The following KRT13 variants were observed in gnomAD, a reference collection of about 807,000 sequenced individuals.
KRT13 encodes the protein keratin, type I cytoskeletal 13.
KRT13 carries 27 observed loss-of-function variants against 40.6 expected under a neutral mutation model. The ratio of observed to expected loss-of-function variants is 0.67; its 90% CI spans 0.49 to 0.92. The LOEUF (loss-of-function observed/expected upper bound fraction) is 0.92, where lower values mean the gene tolerates loss of function less well. Among genes scored for constraint, KRT13 ranks in the 40% least tolerant of loss-of-function variants. The pLI, the probability that KRT13 is intolerant of heterozygous loss-of-function variation, is 0.00. For synonymous variants in KRT13, 266 were observed against 240.3 expected (o/e 1.11, Z -0.99); for missense variants, 605 against 611.5 (o/e 0.99, Z 0.11).
rs967263950 is a variant in KRT13 at position 41,501,112 on chromosome 17, C to T, written c.*144G>A. ...GAAGAGAAGAGCACAGAGGGCCCAC[C>T]ATCAGGAGAGAGTCAGGACAGGGGG... On this transcript the variant is annotated 3_prime_UTR_variant, in exon 8 of 8. Coordinates refer to ENST00000246635, the MANE Select transcript of KRT13 (RefSeq NM_153490.3). 1.6e-6 allele frequency: 1 copy of T among 642,382 alleles called. No individual in the cohort carries two copies. Among genetic ancestry groups the T allele is most frequent in the Non-Finnish European group, 2.9e-6 (1 of 345,428 alleles). The allele number at this position is 642,382 out of a possible 1,614,324, so 39.8% of individuals were successfully genotyped here. A position where few individuals can be genotyped will look rare whatever the true frequency, so the allele number is the denominator to read the frequency against.
In KRT13 at chr17:41,503,570, T is replaced by C. The variant is rs985430097; in HGVS notation, c.578+73A>G. On this transcript the variant is annotated intron_variant, in intron 2 of 7. Transcript: ENST00000246635. Reference sequence around the variant, plus strand: ...TCACTCCTGGGATGCTCCAGTGTCATTGGTCAGATGAGCTTTTGTCTAAAC... The same window carrying C: ...TCACTCCTGGGATGCTCCAGTGTCACTGGTCAGATGAGCTTTTGTCTAAAC... 5.2e-6 allele frequency: 8 copies of C among 1,541,128 alleles called. No homozygotes were observed. In the East Asian group the frequency reaches 9.0e-5, roughly 17 times the overall value.
Position 41,501,205 on chromosome 17 carries a change from C to A in KRT13, c.*51G>T. On this transcript the variant is annotated 3_prime_UTR_variant, in exon 8 of 8. Transcript: ENST00000246635. ...CCTCTCTCCTGCAGGGAACTGCCGG[C>A]TCTCTCCTCCTCTGGGTGCTGAAGA... 2.2e-6 allele frequency: 3 copies of A among 1,351,392 alleles called. No homozygotes were observed. Among genetic ancestry groups the A allele is most frequent in the Non-Finnish European group, 3.1e-6 (3 of 968,550 alleles). 83.7% of individuals were successfully genotyped at this position (1,351,392 alleles called of 1,614,324 possible).
In KRT13 at chr17:41,502,991, G is replaced by T; in HGVS notation, c.843C>A (p.Tyr281Ter). The part of the protein sequence containing the change: ...TRVLAEMREQ[Y>*]EAMAERNRRD... ...GGCGGTTCCTCTCTGCCATGGCCTCGTACTGCTCCCTCATCTCTGCCAGCA... is the reference window on the plus strand; with the variant it reads ...GGCGGTTCCTCTCTGCCATGGCCTCTTACTGCTCCCTCATCTCTGCCAGCA... Residue 281 changes from tyrosine to a stop codon, truncating the protein, a stop_gained, in exon 4 of 8, where the codon TAC (tyrosine) becomes TAA (stop). Transcript: ENST00000246635. LOFTEE classifies it high-confidence loss of function. 1 of 1,614,130 alleles carries T rather than the reference G, an allele frequency of 6.2e-7. No individual in the cohort carries two copies. Among genetic ancestry groups the T allele is most frequent in the Non-Finnish European group, 8.5e-7 (1 of 1,180,022 alleles).
rs752191840 is a variant in KRT13, at chr17:41,505,447, C to T, written c.104G>A (p.Arg35Gln). The T allele has an allele frequency of 1.1e-5, 17 of 1,613,692 alleles. No homozygotes were observed. Among genetic ancestry groups the T allele is most frequent in the African/African-American group, 2.7e-5 (2 of 74,920 alleles). The change falls in exon 1 of 8, where the codon CGG (arginine) becomes CAG (glutamine). Residue 35 changes from arginine to glutamine, a missense_variant. Coordinates refer to ENST00000246635, the MANE Select transcript of KRT13 (RefSeq NM_153490.3). ...CCCAGCTGATCCCCCGGACACAAAC[C>T]GAGTTGAACAGGTAGAGACACCACG... ...GGRGVSTCST[R>Q]FVSGGSAGGY... is the part of the protein sequence containing the mutation.
intron 1 of KRT13, chr17:41,503,987 C>T: frequency 2.1e-6 from 1 of 473,256 alleles, no homozygotes; most frequent in Non-Finnish European, 3.8e-6. Context: ...GTTAGACAAG[C>T]TTGCTCTGGG....
In KRT13 at chr17:41,503,055, AC is replaced by A; in HGVS notation, c.778del (p.Val260TrpfsTer11). 1 of 1,614,128 alleles carries A rather than the reference AC, an allele frequency of 6.2e-7. No individual in the cohort carries two copies. The highest frequency in any genetic ancestry group is 1.1e-5 in the South Asian group (1 of 91,090). On this transcript the variant is annotated frameshift_variant, in exon 4 of 8. Coordinates refer to ENST00000246635, the MANE Select transcript of KRT13 (RefSeq NM_153490.3). LOFTEE classifies it high-confidence loss of function. ...AATGCCTGGGGTGGCATCCATCTCC[AC>A]GTTGACCTGGCCGACCACCTGGTTG... ...FSNQVVGQVN[V>X]EMDATPGIDL...
At chr17:41,501,610 G>A (rs1904853883) in intron 7 of KRT13, 109 bp downstream of exon 7, 1 of 1,531,732 alleles carries the variant, frequency 6.5e-7, no homozygotes, top group Non-Finnish European at 8.8e-7. Context: ...TCCCTACACT[G>A]GAGAGCCCAG....
At position 41,505,435 on chromosome 17, in the gene KRT13, C is replaced by T; in HGVS notation, c.116G>A (p.Gly39Glu). 1 of 1,613,766 alleles carries T rather than the reference C, an allele frequency of 6.2e-7. No individual in the cohort carries two copies. The highest frequency in any genetic ancestry group is 8.5e-7 in the Non-Finnish European group (1 of 1,179,682). ...GCCTCCATAGCCCCCAGCTGATCCC[C>T]CGGACACAAACCGAGTTGAACAGGT... ...VSTCSTRFVS[G>E]GSAGGYGGGV... Residue 39 changes from glycine to glutamate, a missense_variant, in exon 1 of 8, where the codon GGG becomes GAG. Gly to Glu is a moderately conservative substitution (Grantham distance 98). Transcript: ENST00000246635.
Position 41,505,477 on chromosome 17 carries a change from C to T in KRT13, c.74G>A (p.Gly25Glu). ...GFGGGSCQLGGGRGVSTCSTR... is the reference protein window; with the variant it reads ...GFGGGSCQLGEGRGVSTCSTR... ...TGAACAGGTAGAGACACCACGGCCT[C>T]CTCCCAGCTGGCAAGAGCCACCCCC... The change falls in exon 1 of 8, where the codon GGA (glycine) becomes GAA (glutamate). Residue 25 changes from glycine (G) to glutamate (E), a missense_variant. By Grantham distance (98) the Gly-to-Glu change is moderately conservative. Transcript: ENST00000246635. The T allele has an allele frequency of 1.9e-6, 3 of 1,614,236 alleles. No homozygotes were observed. The highest frequency in any genetic ancestry group is 1.7e-5 in the Admixed American group (1 of 60,038).
chr17:41,503,648 C>T lies in KRT13; in HGVS notation c.573G>A (p.Arg191=). 6.2e-7 allele frequency: 1 copy of T among 1,613,812 alleles called. No homozygotes were observed. The highest frequency in any genetic ancestry group is 1.1e-5 in the South Asian group (1 of 91,062). Residue 191 remains arginine, a synonymous_variant, in exon 2 of 8, where the codon AGG becomes AGA. Coordinates refer to ENST00000246635, the MANE Select transcript of KRT13 (RefSeq NM_153490.3). ...GGGGGAAAAAAAAAACTCACTTGAG[C>T]CTGAAGTCGTCCGCAGCCAGCCTGG... ...DNARLAADDF[R]LKYENELALR... is the part of the protein sequence containing the mutation.
Position 41,503,416 on chromosome 17 carries a change from C to G in KRT13, c.606G>C (p.Gln202His). 2 of 1,614,244 alleles carry G rather than the reference C, an allele frequency of 1.2e-6. No homozygotes were observed. Among genetic ancestry groups the G allele is most frequent in the East Asian group, 2.2e-5 (1 of 44,888 alleles). ...GGCCGTTGATGTCGGCCTCCACGCT[C>G]TGGCGCAGGGCCAGCTCATTCTCAT... ...LKYENELALRQSVEADINGLR... is the reference protein window; with the variant it reads ...LKYENELALRHSVEADINGLR... The change falls in exon 3 of 8, where the codon CAG becomes CAC. Residue 202 changes from glutamine to histidine, a missense_variant. Coordinates refer to ENST00000246635, the MANE Select transcript of KRT13 (RefSeq NM_153490.3).
At position 41,502,525 on chromosome 17, in the gene KRT13, C is replaced by T; in HGVS notation, c.1093G>A (p.Gly365Arg). ...RYALQLQQIQ[G>R]LISSIEAQLS... ...TGGGCCTCGATGCTGCTGATGAGTC[C>T]CTGGATCTGCTGCAGCTGCAGGGCA... The change falls in exon 6 of 8, where the codon GGA (glycine) becomes AGA (arginine). Residue 365 changes from glycine (G) to arginine (R), a missense_variant. Coordinates refer to ENST00000246635, the MANE Select transcript of KRT13 (RefSeq NM_153490.3). 6.2e-7 allele frequency: 1 copy of T among 1,614,014 alleles called. No individual in the cohort carries two copies. Among genetic ancestry groups the T allele is most frequent in the South Asian group, 1.1e-5 (1 of 91,082 alleles).
chr17:41,502,670 G>A lies in KRT13; in HGVS notation c.1023+17C>T. On this transcript the variant is annotated intron_variant, in intron 5 of 7. Transcript: ENST00000246635. ...ACCTAGAGGTGGTCGCCACCGGGCA[G>A]GAGGCTGCAGGCATACCATGCTCAG... 3 of 1,613,654 alleles carry A rather than the reference G, an allele frequency of 1.9e-6. No individual in the cohort carries two copies. Among genetic ancestry groups the A allele is most frequent in the Non-Finnish European group, 2.5e-6 (3 of 1,180,036 alleles).
chr17:41,504,610 G>A lies in KRT13; in HGVS notation c.495+446C>T, dbSNP rs79104752. Reference sequence around the variant, plus strand: ...CTCTGCCTCTCTCTCCCCCAACTTGGCCATCGCCAGTTGAGAATACCAGTT... The same window carrying A: ...CTCTGCCTCTCTCTCCCCCAACTTGACCATCGCCAGTTGAGAATACCAGTT... On this transcript the variant is annotated intron_variant, in intron 1 of 7. Transcript: ENST00000246635. 2.2e-5 allele frequency: 4 copies of A among 185,368 alleles called. No individual in the cohort carries two copies. In the East Asian group the frequency reaches 4.0e-4, roughly 19 times the overall value. 11.5% of individuals were successfully genotyped at this position (185,368 alleles called of 1,614,324 possible).
In KRT13 at chr17:41,502,724, T is replaced by C. The variant is rs531211732; in HGVS notation, c.986A>G (p.Gln329Arg). The C allele has an allele frequency of 6.2e-6, 10 of 1,614,200 alleles. No individual in the cohort carries two copies. The East Asian group carries it at 6.7e-5, about 11-fold the overall frequency. ...TEITELRRTL[Q>R]GLEIELQSQL... ...GGACTGCAGCTCAATCTCCAGGCCT[T>C]GGAGCGTGCGCCTGAGCTCCGTGAT... The change falls in exon 5 of 8, where the codon CAA becomes CGA. Residue 329 changes from glutamine (Q) to arginine (R), a missense_variant. By Grantham distance (43) the Gln-to-Arg change is conservative. Transcript: ENST00000246635.
intron 6 of KRT13, 161 bp from the exon 7 acceptor site, chr17:41,501,905 G>T (rs1904865565): frequency 1.3e-6 from 2 of 1,514,136 alleles, no homozygotes; most frequent in African/African-American, 2.8e-5. Flanking sequence ...AGCATCAGGT[G>T]CCCACTGGGA....
intron 6 of KRT13, chr17:41,502,014 C>T: frequency 7.0e-7 from 1 of 1,419,310 alleles, no homozygotes; most frequent in South Asian, 1.5e-5. Context: ...ATCGCCCAAA[C>T]CCGCAACCCT....
At chr17:41,502,093 A>G in intron 6 of KRT13, 2 of 1,420,040 alleles carry the variant, frequency 1.4e-6, no homozygotes, top group Non-Finnish European at 1.8e-6. Flanking sequence ...TTAAAGCACC[A>G]TAGTAATAGC....
At chr17:41,503,494 A>T in intron 2 of KRT13, 51 bp from the exon 3 acceptor site, 1 of 1,598,820 alleles carries the variant, frequency 6.3e-7, no homozygotes, top group Non-Finnish European at 8.6e-7. Context: ...GACATAAATG[A>T]TATGAGACAT....
Sources: gnomAD v4.1 joint callset for allele counts on GRCh38, gnomAD v4.1.1 for gene constraint, MANE v1.5 for transcripts, NCBI Gene and HGNC (gene_info 2026-07-23, HGNC 2026-07-21) for gene names.